The following EBF4 variants were observed in gnomAD, a reference collection of about 807,000 sequenced individuals.
The protein encoded by EBF4 is EBF transcription factor 4, also known as transcription factor COE4.
A neutral mutation model predicts 67.1 loss-of-function variants in EBF4; 34 were observed. The ratio of observed to expected loss-of-function variants is 0.51; its 90% CI spans 0.39 to 0.67. The LOEUF is 0.67. Among genes scored for constraint, EBF4 ranks in the 30% least tolerant of loss-of-function variants. EBF4 has a pLI of 0.00. For missense variants in EBF4, 837 were observed against 873.3 expected, an observed-to-expected ratio of 0.96 and a Z score of 0.52; for synonymous variants, 387 against 377.7, an observed-to-expected ratio of 1.02 and a Z score of -0.29.
chr20:2,738,052 G>T (rs1311478239), intron 6 of EBF4, among the ~76,000 whole-genome samples: 1 of 152,066 alleles, frequency 6.6e-6, no homozygotes, highest in Non-Finnish European at 1.5e-5. Flanking sequence ...GACATCCCAG[G>T]CTGGGGATGG....
chr20:2,738,510 G>A (rs1348617641), intron 6 of EBF4, among the ~76,000 whole-genome samples: 1 of 152,168 alleles, frequency 6.6e-6, no homozygotes, highest in Non-Finnish European at 1.5e-5. Flanking sequence ...TGTCCACACA[G>A]GCACACCATG....
chr20:2,702,427 C>CAAA (rs11476966), intron 1 of EBF4, among the ~76,000 whole-genome samples: 2 of 138,670 alleles, frequency 1.4e-5, no homozygotes, highest in Non-Finnish European at 3.2e-5. Flanking sequence ...GATCCTGTCT[C>CAAA]AAAAAAAAAA....
At position 2,696,740 on chromosome 20, in the gene EBF4, C is replaced by A. The variant is rs1216469019; in HGVS notation, c.137+2958C>A. On this transcript the variant is annotated intron_variant, in intron 1 of 16. Coordinates refer to ENST00000609451, the Ensembl canonical transcript of EBF4. This position sits in a 1 kb window ranked among gnomAD's most constrained non-coding sequence, Gnocchi z 4.7. Reference sequence around the variant, plus strand: ...GGATTAAGTCTCACCAGCCTCAGGACTCCCTCTTACACCCACCGACCCCAG... The same window carrying A: ...GGATTAAGTCTCACCAGCCTCAGGAATCCCTCTTACACCCACCGACCCCAG... Among the ~76,000 whole-genome samples, 1 of 152,180 alleles carries A rather than the reference C, an allele frequency of 6.6e-6. No individual in the cohort carries two copies. Among genetic ancestry groups the A allele is most frequent in the East Asian group, 1.9e-4 (1 of 5,192 alleles).
rs564115781 is a variant in EBF4, at chr20:2,745,748, C to T, written c.558-2801C>T. Among the ~76,000 whole-genome samples, 1 of 152,272 alleles carries T rather than the reference C, an allele frequency of 6.6e-6. No homozygotes were observed. Among genetic ancestry groups the T allele is most frequent in the East Asian group, 1.9e-4 (1 of 5,176 alleles). ...GTGTCACGGCAGCCGTCAATCGCTACTCTCCCTTCATGGGTGTGGAAGGAT... is the reference window on the plus strand; with the variant it reads ...GTGTCACGGCAGCCGTCAATCGCTATTCTCCCTTCATGGGTGTGGAAGGAT... On this transcript the variant is annotated intron_variant, in intron 6 of 16. Transcript: ENST00000609451. The surrounding 1 kb of genome is among the most constrained non-coding windows in gnomAD (Gnocchi z 5.2).
chr20:2,759,356 CCAGGGCCATGGGCGGACCT>C (rs1190965376), exon 17 of EBF4: 2 of 300,908 alleles, frequency 6.6e-6, no homozygotes, highest in Non-Finnish European at 1.3e-5. Flanking sequence ...AGATGCAGGG[CCAGGGCCATGGGCGGACCT>C]CAACCCGTGA....
In EBF4 at chr20:2,744,487, C is replaced by CTTTTTTTTTTTTTTTTTTTTTTT. The variant is rs778840182; in HGVS notation, c.558-4058_558-4057insTTTTTTTTTTTTTTTTTTTTTTT. Among the ~76,000 whole-genome samples, 15 of 111,488 alleles carry CTTTTTTTTTTTTTTTTTTTTTTT rather than the reference C, an allele frequency of 1.3e-4. 1 individual carries two copies. The highest frequency in any genetic ancestry group is 3.1e-4 in the African/African-American group (8 of 25,446). 73.1% of individuals were successfully genotyped at this position (111,488 alleles called of 152,430 possible). ...TTTTTCTTTTCTTTTTTCTTTTTTT[C>CTTTTTTTTTTTTTTTTTTTTTTT]TTTTCTTTTTTTTTTTTTTTTTGAG... is the stretch of plus-strand genomic sequence containing the variant. On this transcript the variant is annotated intron_variant, in intron 6 of 16. Transcript: ENST00000609451.
chr20:2,748,158 C>T (rs760712022), intron 6 of EBF4, among the ~76,000 whole-genome samples: 5 of 151,968 alleles, frequency 3.3e-5, no homozygotes, highest in Admixed American at 6.6e-5. Context: ...ACGCCACATA[C>T]GGAGCATATA....
At chr20:2,736,361 C>T (rs1025300876) in intron 6 of EBF4, among the ~76,000 whole-genome samples, 1 of 152,160 alleles carries the variant, frequency 6.6e-6, no homozygotes, top group Non-Finnish European at 1.5e-5. Flanking sequence ...CTCTGGTCTA[C>T]TCTATTGGGG....
intron 6 of EBF4, among the ~76,000 whole-genome samples, chr20:2,717,676 G>T (rs1359481986): frequency 2.6e-5 from 4 of 151,830 alleles, no homozygotes; most frequent in Non-Finnish European, 5.9e-5. Flanking sequence ...TTTTTATGTA[G>T]ACAGCCATCT....
chr20:2,742,327 C>G (rs1483305060), intron 6 of EBF4, among the ~76,000 whole-genome samples: 1 of 152,216 alleles, frequency 6.6e-6, no homozygotes, highest in Non-Finnish European at 1.5e-5. Context: ...GTGACAAACT[C>G]AGCAGCGTTC....
At chr20:2,723,631 G>A (rs1469802605) in intron 6 of EBF4, among the ~76,000 whole-genome samples, 1 of 152,170 alleles carries the variant, frequency 6.6e-6, no homozygotes, top group African/African-American at 2.4e-5. Context: ...TTACAGGCTT[G>A]AGCCACCGCG....
At chr20:2,697,393 A>G (rs1475575248) in intron 1 of EBF4, among the ~76,000 whole-genome samples, 1 of 151,570 alleles carries the variant, frequency 6.6e-6, no homozygotes, top group Non-Finnish European at 1.5e-5. Flanking sequence ...AAAATACAAA[A>G]AATTAGCCGG....
At chr20:2,740,871 G>A (rs868350756) in intron 6 of EBF4, among the ~76,000 whole-genome samples, 2 of 152,260 alleles carry the variant, frequency 1.3e-5, no homozygotes, top group South Asian at 2.1e-4. Context: ...TGGGCTACTG[G>A]TGGGGAGTAT....
At chr20:2,737,051 C>T (rs926329117) in intron 6 of EBF4, among the ~76,000 whole-genome samples, 9 of 151,974 alleles carry the variant, frequency 5.9e-5, no homozygotes, top group East Asian at 1.9e-4. Flanking sequence ...AGATGGAGAC[C>T]ATCCTGGCTA....
chr20:2,727,846 G>A (rs2087765513), intron 6 of EBF4, among the ~76,000 whole-genome samples: 1 of 152,052 alleles, frequency 6.6e-6, no homozygotes, highest in Non-Finnish European at 1.5e-5. Context: ...TTGACCATTT[G>A]TACATGCTCT....
At chr20:2,703,012 G>C (rs979385244) in intron 1 of EBF4, among the ~76,000 whole-genome samples, 1 of 151,956 alleles carries the variant, frequency 6.6e-6, no homozygotes, top group Admixed American at 6.6e-5. Flanking sequence ...GTAGTGGTTG[G>C]CACCTGTAAT....
chr20:2,710,874 G>T (rs1248487604), intron 6 of EBF4, among the ~76,000 whole-genome samples: 14 of 152,170 alleles, frequency 9.2e-5, no homozygotes, highest in Admixed American at 9.2e-4. Context: ...GAGTGCAGTG[G>T]CTCATGCCTG....
At chr20:2,743,368 C>T (rs1025792724) in intron 6 of EBF4, among the ~76,000 whole-genome samples, 4 of 152,208 alleles carry the variant, frequency 2.6e-5, no homozygotes, top group Non-Finnish European at 4.4e-5. Context: ...TAGACCCCAA[C>T]GGAAGTCCTC....
At chr20:2,703,107 A>C (rs1568566678) in intron 1 of EBF4, among the ~76,000 whole-genome samples, 1 of 151,688 alleles carries the variant, frequency 6.6e-6, no homozygotes, top group Non-Finnish European at 1.5e-5. Context: ...AGTAAACAAA[A>C]TTATCCAGGC....
Sources: gnomAD v4.1 joint callset for allele counts (sites outside exome capture counted in the v4.1 genomes callset) on GRCh38, gnomAD v4.1.1 for gene constraint, Gnocchi (gnomAD v3.1) non-coding constraint, MANE v1.5 for transcripts, NCBI Gene and HGNC (gene_info 2026-07-23, HGNC 2026-07-21) for gene names.